SEM1: variants seen among roughly 807,000 people sequenced by gnomAD.
The protein encoded by SEM1 is 26S proteasome complex subunit SEM1.
In SEM1, 3 loss-of-function variants were observed where a neutral mutation model predicts 12.7. That is an observed-to-expected ratio of 0.24 (90% CI 0.11 to 0.61). The LOEUF (loss-of-function observed/expected upper bound fraction) is 0.61. SEM1 is among the 20% of genes least tolerant of loss of function. The pLI is 0.88. For synonymous variants in SEM1, 30 were observed against 27.8 expected (o/e 1.08, Z -0.25); for missense variants, 59 against 81.3 (o/e 0.73, Z 1.06).
At chr7:96,674,124 C>A (rs1789393157) in intron 2 of SEM1, among the ~76,000 whole-genome samples, 1 of 152,080 alleles carries the variant, frequency 6.6e-6, no homozygotes, top group Admixed American at 6.5e-5. Flanking sequence ...GAGTCCTGTT[C>A]TTTCTTTAAA....
At chr7:96,702,344 G>A (rs1008200949) in intron 1 of SEM1, among the ~76,000 whole-genome samples, 3 of 152,278 alleles carry the variant, frequency 2.0e-5, no homozygotes, top group African/African-American at 7.2e-5. Flanking sequence ...CATAAGCAAA[G>A]TGAAGACCCT....
chr7:96,506,913 T>C (rs192492687), intron 2 of SEM1, among the ~76,000 whole-genome samples: 16 of 152,164 alleles, frequency 1.1e-4, no homozygotes, highest in Admixed American at 8.5e-4. Flanking sequence ...ACAGATGCAA[T>C]TAAAACTTAG....
At chr7:96,668,897 C>A (rs984161988), downstream of SEM1, among the ~76,000 whole-genome samples, 1 of 152,082 alleles carries the variant, frequency 6.6e-6, no homozygotes, top group Non-Finnish European at 1.5e-5. Flanking sequence ...AGATGGCCCC[C>A]TGAAGACAGA....
intron 2 of SEM1, among the ~76,000 whole-genome samples, chr7:96,660,523 AC>A (rs2116515023): frequency 6.6e-6 from 1 of 152,028 alleles, no homozygotes; most frequent in East Asian, 1.9e-4. Context: ...AAAAGCAAAA[AC>A]CCCTTATGCT....
chr7:96,524,073 T>C (rs1351867029), intron 2 of SEM1, among the ~76,000 whole-genome samples: 4 of 152,146 alleles, frequency 2.6e-5, no homozygotes, highest in South Asian at 4.1e-4. Flanking sequence ...GCACTTCTTA[T>C]GTAGACTTTT....
chr7:96,629,080 C>T (rs1053869478), intron 2 of SEM1, among the ~76,000 whole-genome samples: 1 of 152,212 alleles, frequency 6.6e-6, no homozygotes, highest in Non-Finnish European at 1.5e-5. Context: ...TTTCTTTATC[C>T]TTGACCTTTG....
chr7:96,498,917 C>T (rs1803404034), upstream of SEM1, among the ~76,000 whole-genome samples: 1 of 152,058 alleles, frequency 6.6e-6, no homozygotes. Flanking sequence ...CTTTTCTGTA[C>T]AAGACATTTA....
downstream of SEM1, among the ~76,000 whole-genome samples, chr7:96,618,838 C>T (rs1807797855): frequency 6.6e-6 from 1 of 152,028 alleles, no homozygotes. Context: ...GTAGTCCTAC[C>T]CACCCAGGAG....
At position 96,572,393 on chromosome 7, in the gene SEM1, C is replaced by A. The variant is rs768335198; in HGVS notation, c.171-65695G>T. The stretch of plus-strand genomic sequence containing the variant: ...GATGTTAGGGTGACAATTTTTAGAT[C>A]TTTCCTGCTTTCTCCTGTTGGCATC... On this transcript the variant is annotated intron_variant and NMD_transcript_variant, in intron 2 of 3. Coordinates refer to the SEM1 transcript ENST00000466986. Among the ~76,000 whole-genome samples the A allele has an allele frequency of 1.6e-4, 24 of 152,166 alleles. 1 individual carries two copies. Among genetic ancestry groups the A allele is most frequent in the Non-Finnish European group, 1.5e-5 (1 of 68,022 alleles).
chr7:96,688,408 T>C (rs1236722383), downstream of SEM1: 1 of 152,246 alleles, frequency 6.6e-6, no homozygotes, highest in African/African-American at 2.4e-5. Context: ...ATTACAGCAA[T>C]TTAAAATGAT....
chr7:96,627,857 A>G (rs1045466452), intron 2 of SEM1, among the ~76,000 whole-genome samples: 1 of 152,080 alleles, frequency 6.6e-6, no homozygotes, highest in Admixed American at 6.6e-5. Flanking sequence ...CCAATGCTGA[A>G]AATGGAGTGT....
intron 1 of SEM1, among the ~76,000 whole-genome samples, chr7:96,698,961 C>A (rs1242662128): frequency 6.6e-6 from 1 of 152,140 alleles, no homozygotes; most frequent in African/African-American, 2.4e-5. Context: ...TCTTTCGCTT[C>A]CTGAACCTGG....
At chr7:96,516,037 CTT>C (rs1804085371) in intron 2 of SEM1, among the ~76,000 whole-genome samples, 1 of 151,670 alleles carries the variant, frequency 6.6e-6, no homozygotes, top group Non-Finnish European at 1.5e-5. Flanking sequence ...ATACAAAAAT[CTT>C]TTTCTTTTAA....
intron 3 of SEM1, among the ~76,000 whole-genome samples, chr7:96,484,629 G>A (rs1802678829): frequency 6.6e-6 from 1 of 152,080 alleles, no homozygotes; most frequent in East Asian, 1.9e-4. Context: ...GAACAGAAAA[G>A]GCATGGCCAC....
intron 2 of SEM1, among the ~76,000 whole-genome samples, chr7:96,524,628 CTTTTA>C (rs985497014): frequency 5.9e-5 from 9 of 151,764 alleles, no homozygotes; most frequent in African/African-American, 1.2e-4. Context: ...AATAACATTA[CTTTTA>C]TTTAATTAAT....
chr7:96,656,065 G>A (rs2116484784), intron 2 of SEM1, among the ~76,000 whole-genome samples: 1 of 152,280 alleles, frequency 6.6e-6, no homozygotes, highest in Admixed American at 6.5e-5. Context: ...TGCCTCCATA[G>A]GCTCAGTCCA....
At chr7:96,674,171 C>T (rs3823755) in intron 2 of SEM1, among the ~76,000 whole-genome samples, 50,437 of 151,952 alleles carry the variant, frequency 0.33, 9,863 homozygotes, top group African/African-American at 0.55. Flanking sequence ...CATATTTACA[C>T]ATTTGTCCAC....
chr7:96,699,971 A>G (rs919963764), intron 1 of SEM1, among the ~76,000 whole-genome samples: 1 of 152,238 alleles, frequency 6.6e-6, no homozygotes, highest in African/African-American at 2.4e-5. Context: ...TATAGAAGTC[A>G]AATTTGCTTC....
intron 2 of SEM1, among the ~76,000 whole-genome samples, chr7:96,675,564 C>G (rs1485778787): frequency 6.6e-6 from 1 of 152,168 alleles, no homozygotes; most frequent in Non-Finnish European, 1.5e-5. Context: ...CACACATACA[C>G]AGCTTCCTAA....
Sources: allele counts gnomAD v4.1 joint callset (sites outside exome capture counted in the v4.1 genomes callset), GRCh38; gene constraint gnomAD v4.1.1; transcripts MANE v1.5; gene names NCBI Gene and HGNC (gene_info 2026-07-23, HGNC 2026-07-21).